The following CNTNAP2 variants were observed in gnomAD, a reference collection of about 807,000 sequenced individuals.
CNTNAP2 encodes contactin-associated protein-like 2.
CNTNAP2 carries 98 observed loss-of-function variants against 155.2 expected under a neutral mutation model. The observed-to-expected ratio is 0.63, with a 90% confidence interval of 0.54 to 0.75. The LOEUF (loss-of-function observed/expected upper bound fraction) is 0.75. Ranked by LOEUF, CNTNAP2 falls within the 30% of genes least tolerant of loss-of-function variation. The probability of loss-of-function intolerance (pLI) is 0.00; values close to 1 mark genes in which losing one functional copy is unlikely to be tolerated. For missense variants in CNTNAP2, 1,727 were observed against 1,688.1 expected (o/e 1.02, Z -0.40); for synonymous variants, 651 against 631.2 (o/e 1.03, Z -0.47).
chr7:148,158,221 G>GTTTTTTTTTT (rs1562977677), intron 17 of CNTNAP2, among the ~76,000 whole-genome samples: 2 of 63,130 alleles, frequency 3.2e-5, no homozygotes, highest in African/African-American at 3.0e-4. Flanking sequence ...CAATGTTTGC[G>GTTTTTTTTTT]CTTTTTTTTT....
intron 15 of CNTNAP2, among the ~76,000 whole-genome samples, chr7:148,058,775 TA>T: frequency 6.6e-6 from 1 of 152,294 alleles, no homozygotes; most frequent in East Asian, 1.9e-4. Context: ...TCCCATAGAA[TA>T]GTTTTTTGTT....
intron 14 of CNTNAP2, among the ~76,000 whole-genome samples, chr7:147,931,251 TAAAC>T (rs1342768879): frequency 2.8e-5 from 4 of 144,808 alleles, no homozygotes; most frequent in Non-Finnish European, 6.1e-5. Context: ...TCTAAAAAGA[TAAAC>T]AAAATTGACA....
chr7:146,726,473 C>T (rs1275132213), intron 1 of CNTNAP2, among the ~76,000 whole-genome samples: 1 of 152,032 alleles, frequency 6.6e-6, no homozygotes, highest in East Asian at 1.9e-4. Flanking sequence ...AAGTGCCATT[C>T]AATTTTCAAT....
intron 1 of CNTNAP2, among the ~76,000 whole-genome samples, chr7:146,190,287 G>C: frequency 6.6e-6 from 1 of 152,140 alleles, no homozygotes; most frequent in South Asian, 2.1e-4. Flanking sequence ...CTCTTTCCCT[G>C]TTCTGGGCTT....
At chr7:147,707,891 C>T (rs1055016954) in intron 13 of CNTNAP2, among the ~76,000 whole-genome samples, 6 of 152,114 alleles carry the variant, frequency 3.9e-5, no homozygotes, top group African/African-American at 2.4e-5. Flanking sequence ...GCTGGGCAGG[C>T]GTGAACTCAG....
chr7:146,671,653 TTAAA>T (rs1388550538), intron 1 of CNTNAP2, among the ~76,000 whole-genome samples: 1 of 152,108 alleles, frequency 6.6e-6, no homozygotes, highest in Non-Finnish European at 1.5e-5. Flanking sequence ...GATAAATAAG[TTAAA>T]TAATTCCTAT....
At chr7:147,656,470 G>A (rs761494905) in intron 13 of CNTNAP2, among the ~76,000 whole-genome samples, 2 of 152,160 alleles carry the variant, frequency 1.3e-5, no homozygotes, top group South Asian at 4.1e-4. Flanking sequence ...TTATGGTTAT[G>A]AACAGGGCTA....
intron 17 of CNTNAP2, among the ~76,000 whole-genome samples, chr7:148,158,594 C>T (rs1296915776): frequency 1.3e-5 from 2 of 152,088 alleles, no homozygotes; most frequent in Non-Finnish European, 2.9e-5. Context: ...TTTGAGCTCC[C>T]AACTAACTAA....
chr7:147,290,416 T>C (rs1050845740), intron 8 of CNTNAP2, among the ~76,000 whole-genome samples: 1 of 152,144 alleles, frequency 6.6e-6, no homozygotes, highest in African/African-American at 2.4e-5. Context: ...GTGCAGTGGC[T>C]CACTCCTGTA....
At chr7:147,377,775 A>G (rs1796462964) in intron 9 of CNTNAP2, among the ~76,000 whole-genome samples, 1 of 151,792 alleles carries the variant, frequency 6.6e-6, no homozygotes, top group African/African-American at 2.4e-5. Context: ...ACTTTTCTTA[A>G]GAAGCTTCCT....
At position 147,820,158 on chromosome 7, in the gene CNTNAP2, G is replaced by A. The variant is rs564227195; in HGVS notation, c.2099-83407G>A. ...GTTGCTTTTCCCTTACCAACATTTG[G>A]TGCAGCCGTCAGAGTTTTAATTTTA... is the stretch of plus-strand genomic sequence containing the variant. On this transcript the variant is annotated intron_variant, in intron 13 of 23. Transcript: ENST00000361727. 9.2e-5 allele frequency among the ~76,000 whole-genome samples: 14 copies of A among 152,072 alleles called. 1 individual carries two copies. In the South Asian group the frequency reaches 2.9e-3, roughly 32 times the overall value.
intron 4 of CNTNAP2, among the ~76,000 whole-genome samples, chr7:147,045,446 T>C (rs996082248): frequency 2.0e-5 from 3 of 152,216 alleles, no homozygotes; most frequent in South Asian, 4.1e-4. Context: ...AATAGTGTTA[T>C]GTGCAAACTA....
chr7:148,038,470 A>T (rs904680269), intron 15 of CNTNAP2, among the ~76,000 whole-genome samples: 3 of 152,132 alleles, frequency 2.0e-5, no homozygotes, highest in African/African-American at 7.2e-5. Context: ...TTTCTTCTTC[A>T]TTAAAGTTCC....
At chr7:147,317,794 G>GTGCGTATA (rs1563158289) in intron 9 of CNTNAP2, among the ~76,000 whole-genome samples, 2 of 65,488 alleles carry the variant, frequency 3.1e-5, no homozygotes, top group Non-Finnish European at 5.8e-5. Flanking sequence ...GTGTGTGTGT[G>GTGCGTATA]TGTGTATATG....
At chr7:148,317,123 A>C (rs962742425) in intron 21 of CNTNAP2, among the ~76,000 whole-genome samples, 2 of 152,214 alleles carry the variant, frequency 1.3e-5, no homozygotes, top group Non-Finnish European at 2.9e-5. Flanking sequence ...TGGGAGGCCG[A>C]GGTGGGCAGA....
intron 1 of CNTNAP2, among the ~76,000 whole-genome samples, chr7:146,359,437 C>G (rs1795050206): frequency 6.6e-6 from 1 of 152,188 alleles, no homozygotes; most frequent in Non-Finnish European, 1.5e-5. Flanking sequence ...CATTCTAACT[C>G]TTGAAATTTT....
At position 147,300,131 on chromosome 7, in the gene CNTNAP2, T is replaced by A; in HGVS notation, c.1349-10T>A. Reference sequence around the variant, plus strand: ...TAAGATAAAAATGACTTTTATCTTGTACTTACCAGGTTCTGGGTTGAATGA... The same window carrying A: ...TAAGATAAAAATGACTTTTATCTTGAACTTACCAGGTTCTGGGTTGAATGA... On this transcript the variant is annotated splice_polypyrimidine_tract_variant and intron_variant, in intron 8 of 23. Transcript: ENST00000361727. 2.5e-6 allele frequency: 4 copies of A among 1,613,928 alleles called. No individual in the cohort carries two copies. Among genetic ancestry groups the A allele is most frequent in the Non-Finnish European group, 3.4e-6 (4 of 1,179,846 alleles).
chr7:147,011,243 G>T (rs991835399), intron 3 of CNTNAP2, among the ~76,000 whole-genome samples: 3 of 151,434 alleles, frequency 2.0e-5, no homozygotes, highest in African/African-American at 7.3e-5. Flanking sequence ...ATGAAACCCC[G>T]TCTCTACTAA....
chr7:146,314,052 T>C (rs1288356962), intron 1 of CNTNAP2, among the ~76,000 whole-genome samples: 2 of 152,162 alleles, frequency 1.3e-5, no homozygotes, highest in African/African-American at 2.4e-5. Context: ...TCTAGTGATA[T>C]GGGGTCTGAT....
Sources: allele counts gnomAD v4.1 joint callset (sites outside exome capture counted in the v4.1 genomes callset), GRCh38; gene constraint gnomAD v4.1.1; transcripts MANE v1.5; gene names NCBI Gene and HGNC (gene_info 2026-07-23, HGNC 2026-07-21).